MARK2: variants seen among roughly 807,000 people sequenced by gnomAD.
MARK2 encodes the protein serine/threonine-protein kinase MARK2.
In MARK2, 16 loss-of-function variants were observed where a neutral mutation model predicts 89.8. The ratio of observed to expected loss-of-function variants is 0.18; its 90% confidence interval spans 0.12 to 0.27. The LOEUF is 0.27. MARK2 is among the 10% of genes least tolerant of loss of function. The pLI is 1.00. For missense variants in MARK2, 621 were observed against 1,049.9 expected (o/e 0.59, Z 5.65); for synonymous variants, 382 against 399.5 (o/e 0.96, Z 0.52).
Position 63,909,299 on chromosome 11 carries a change from C to G in MARK2, c.*62C>G. The G allele has an allele frequency of 2.7e-6, 4 of 1,468,628 alleles. No homozygotes were observed. Among genetic ancestry groups the G allele is most frequent in the Non-Finnish European group, 3.6e-6 (4 of 1,105,156 alleles). 91.0% of individuals were successfully genotyped at this position (1,468,628 alleles called of 1,614,324 possible). A position where few individuals can be genotyped will look rare whatever the true frequency, so the allele number is the denominator to read the frequency against. On this transcript the variant is annotated 3_prime_UTR_variant, in exon 19 of 19. Transcript: ENST00000402010. ...GCTGGACGGGCTGCCGGCCGCTGCGCCGCCCCACCTGGGCGAGACTGCAGC... is the reference window on the plus strand; with the variant it reads ...GCTGGACGGGCTGCCGGCCGCTGCGGCGCCCCACCTGGGCGAGACTGCAGC...
chr11:63,877,222 C>T (rs1419393809), intron 1 of MARK2, among the ~76,000 whole-genome samples: 2 of 151,090 alleles, frequency 1.3e-5, no homozygotes, highest in Non-Finnish European at 2.9e-5. Flanking sequence ...GTGATCCTCC[C>T]ACCTGGGCCT....
chr11:63,902,868 T>C lies in MARK2; in HGVS notation c.1416+86T>C, dbSNP rs1159867701. 2.4e-6 allele frequency: 3 copies of C among 1,230,504 alleles called. No individual in the cohort carries two copies. The Admixed American group carries it at 5.7e-5, about 23-fold the overall frequency. The allele number at this position is 1,230,504 out of a possible 1,614,324, so 76.2% of individuals were successfully genotyped here. ...GCTCTTCTCTTAATTCAGACTCTGTTCCCTTTGGCTACTACTTCTGCTTAT... is the reference window on the plus strand; with the variant it reads ...GCTCTTCTCTTAATTCAGACTCTGTCCCCTTTGGCTACTACTTCTGCTTAT... On this transcript the variant is annotated intron_variant, in intron 13 of 18. Transcript: ENST00000402010. This position sits in a 1 kb window ranked among gnomAD's most constrained non-coding sequence, Gnocchi z 4.2.
chr11:63,856,868 C>T (rs1485743467), intron 1 of MARK2, among the ~76,000 whole-genome samples: 6 of 137,954 alleles, frequency 4.3e-5, no homozygotes, highest in East Asian at 2.5e-4. Flanking sequence ...AGTGCAGTGG[C>T]GCCATCTCGG....
Position 63,894,391 on chromosome 11 carries a change from G to A in MARK2, c.55-768G>A, listed in dbSNP as rs11231633. Among the ~76,000 whole-genome samples the A allele has an allele frequency of 3.0e-3, 457 of 152,308 alleles. 1 individual carries two copies. Among genetic ancestry groups the A allele is most frequent in the Middle Eastern group, 0.024 (7 of 294 alleles). ...CCTTCCATGCAGGAAGGGCTACTAC[G>A]TTTCTACCCAACAAAGTTATTATGG... On this transcript the variant is annotated intron_variant, in intron 1 of 18. Coordinates refer to ENST00000402010, the MANE Select transcript of MARK2 (RefSeq NM_001039469.3).
chr11:63,897,108 G>C (rs780001498), intron 3 of MARK2, among the ~76,000 whole-genome samples: 2 of 152,158 alleles, frequency 1.3e-5, no homozygotes, highest in African/African-American at 2.4e-5. Context: ...AGCCCCCTCA[G>C]GGGTCTAGAC....
intron 1 of MARK2, among the ~76,000 whole-genome samples, chr11:63,860,376 AC>A (rs1412369028): frequency 6.6e-6 from 1 of 150,694 alleles, no homozygotes; most frequent in Non-Finnish European, 1.5e-5. Flanking sequence ...ACATGGTGAA[AC>A]CCCGTCTCTA....
chr11:63,862,063 G>C (rs10897456), intron 1 of MARK2, among the ~76,000 whole-genome samples: 95,961 of 151,452 alleles, frequency 0.63, 30,826 homozygotes, highest in East Asian at 0.94. Context: ...AGCTGGGATT[G>C]CAGGTATCCG....
In MARK2 at chr11:63,900,522, G is replaced by C; in HGVS notation, c.769-37G>C. 6.2e-7 allele frequency: 1 copy of C among 1,609,672 alleles called. No homozygotes were observed. The highest frequency in any genetic ancestry group is 8.5e-7 in the Non-Finnish European group (1 of 1,177,574). ...ATTAGGTTTCTTCCTTTGGCCTTGG[G>C]GTGATTTCAATTTTCTAACCCTGGA... On this transcript the variant is annotated intron_variant, in intron 8 of 18. Coordinates refer to ENST00000402010, the MANE Select transcript of MARK2 (RefSeq NM_001039469.3). The surrounding 1 kb of genome is among the most constrained non-coding windows in gnomAD (Gnocchi z 4.7).
Position 63,902,051 on chromosome 11 carries a change from G to A in MARK2, c.1102-147G>A, listed in dbSNP as rs897788381. The A allele has an allele frequency of 8.1e-6, 6 of 738,196 alleles. No individual in the cohort carries two copies. The Admixed American group carries it at 8.2e-5, about 10-fold the overall frequency. 45.7% of individuals were successfully genotyped at this position (738,196 alleles called of 1,614,324 possible). A position where few individuals can be genotyped will look rare whatever the true frequency, so the allele number is the denominator to read the frequency against. ...TGTGTCTCCAGGGTCTCCTCCAGGG[G>A]GGATGTATTGGTCTTACAAGTGGAT... On this transcript the variant is annotated intron_variant, in intron 11 of 18. Coordinates refer to ENST00000402010, the MANE Select transcript of MARK2 (RefSeq NM_001039469.3). The surrounding 1 kb of genome is among the most constrained non-coding windows in gnomAD (Gnocchi z 4.2).
At position 63,907,824 on chromosome 11, in the gene MARK2, A is replaced by G. The variant is rs1445689652; in HGVS notation, c.1962-436A>G. ...ATTGCAGCCCCTTTCCTCCAAAAGG[A>G]CTGCAGTCCTGAGACCCTAGCGTGT... On this transcript the variant is annotated intron_variant, in intron 17 of 18. Transcript: ENST00000402010. Among the ~76,000 whole-genome samples the G allele has an allele frequency of 9.8e-5, 15 of 152,288 alleles. 2 individuals carry two copies. The South Asian group carries it at 3.1e-3, about 32-fold the overall frequency.
chr11:63,876,675 G>T (rs150890539), intron 1 of MARK2, among the ~76,000 whole-genome samples: 1 of 151,392 alleles, frequency 6.6e-6, no homozygotes, highest in African/African-American at 2.4e-5. Context: ...TGCCTTTTAG[G>T]ATTTGTTGGG....
chr11:63,882,570 G>C (rs61886133), intron 1 of MARK2: 10,228 of 152,192 alleles, frequency 0.067, 426 homozygotes, highest in South Asian at 0.22. Context: ...GGCAACAGGA[G>C]CGAAACTCTG....
At position 63,904,190 on chromosome 11, in the gene MARK2, C is replaced by T; in HGVS notation, c.1676+43C>T. 1 of 1,479,096 alleles carries T rather than the reference C, an allele frequency of 6.8e-7. No individual in the cohort carries two copies. Among genetic ancestry groups the T allele is most frequent in the Non-Finnish European group, 9.0e-7 (1 of 1,115,620 alleles). The allele number at this position is 1,479,096 out of a possible 1,614,324, so 91.6% of individuals were successfully genotyped here. ...GCTGGTGCACCTGCTGCCCTCAGCCCACCCTACCCCCTTGCCCCAACAATT... is the reference window on the plus strand; with the variant it reads ...GCTGGTGCACCTGCTGCCCTCAGCCTACCCTACCCCCTTGCCCCAACAATT... On this transcript the variant is annotated intron_variant, in intron 15 of 18. Coordinates refer to ENST00000402010, the MANE Select transcript of MARK2 (RefSeq NM_001039469.3). This position sits in a 1 kb window ranked among gnomAD's most constrained non-coding sequence, Gnocchi z 6.3.
intron 1 of MARK2, among the ~76,000 whole-genome samples, chr11:63,845,897 A>T (rs569223890): frequency 6.6e-6 from 1 of 151,868 alleles, no homozygotes; most frequent in Non-Finnish European, 1.5e-5. Flanking sequence ...CACTTTTTGT[A>T]TTTTTAGTAG....
intron 1 of MARK2, among the ~76,000 whole-genome samples, chr11:63,880,798 T>G (rs1263337330): frequency 2.6e-5 from 4 of 152,144 alleles, no homozygotes; most frequent in African/African-American, 4.8e-5. Context: ...GATCACTCAC[T>G]TTTCATCCAT....
chr11:63,839,393 G>T lies in MARK2; in HGVS notation c.-114G>T. 1 of 634,440 alleles carries T rather than the reference G, an allele frequency of 1.6e-6. No homozygotes were observed. The allele number at this position is 634,440 out of a possible 1,614,324, so 39.3% of individuals were successfully genotyped here. A position where few individuals can be genotyped will look rare whatever the true frequency, so the allele number is the denominator to read the frequency against. ...CCGGCCTCCCCGCACCCCCGGCCGGGGCCCATGCGGCGGGTGCTCCTGCTG... is the reference window on the plus strand; with the variant it reads ...CCGGCCTCCCCGCACCCCCGGCCGGTGCCCATGCGGCGGGTGCTCCTGCTG... On this transcript the variant is annotated 5_prime_UTR_variant, in exon 1 of 19. Coordinates refer to ENST00000402010, the MANE Select transcript of MARK2 (RefSeq NM_001039469.3).
Position 63,902,371 on chromosome 11 carries a change from T to C in MARK2, c.1234+41T>C, listed in dbSNP as rs1940970264. The stretch of plus-strand genomic sequence containing the variant: ...AGTTGTAGGTGGGGACTCACCCCTC[T>C]CCAGAGAGGTTACAGGTTCTGTGGG... On this transcript the variant is annotated intron_variant, in intron 12 of 18. Transcript: ENST00000402010. The surrounding 1 kb of genome is among the most constrained non-coding windows in gnomAD (Gnocchi z 4.2). 7 of 1,612,072 alleles carry C rather than the reference T, an allele frequency of 4.3e-6. No homozygotes were observed. The highest frequency in any genetic ancestry group is 1.3e-5 in the African/African-American group (1 of 74,884).
intron 1 of MARK2, among the ~76,000 whole-genome samples, chr11:63,886,573 G>T (rs779007156): frequency 2.6e-5 from 4 of 152,074 alleles, no homozygotes; most frequent in Admixed American, 2.6e-4. Flanking sequence ...ACAGGTGTAC[G>T]CCACCACGCT....
At chr11:63,885,577 G>A (rs930423285) in intron 1 of MARK2, among the ~76,000 whole-genome samples, 4 of 150,688 alleles carry the variant, frequency 2.7e-5, no homozygotes, top group Non-Finnish European at 5.9e-5. Context: ...GCCCATGTCT[G>A]TAATCCCAGC....
Sources: allele counts gnomAD v4.1 joint callset (sites outside exome capture counted in the v4.1 genomes callset), GRCh38; gene constraint gnomAD v4.1.1; non-coding constraint Gnocchi (gnomAD v3.1); transcripts MANE v1.5; gene names NCBI Gene and HGNC (gene_info 2026-07-23, HGNC 2026-07-21).